The following GPC5 variants were observed in gnomAD, a reference collection of about 807,000 sequenced individuals.
GPC5 encodes glypican 5.
Under a neutral mutation model 53.9 loss-of-function variants are expected in GPC5, and 47 were observed. The observed-to-expected ratio is 0.87, with a 90% CI of 0.69 to 1.11. GPC5 has a LOEUF of 1.11. GPC5 is among the 50% of genes most tolerant of loss of function. The pLI, the probability that GPC5 is intolerant of heterozygous loss-of-function variation, is 0.00. For missense variants in GPC5, 748 were observed against 713.1 expected, an observed-to-expected ratio of 1.05 and a Z score of -0.56; for synonymous variants, 286 against 263.3, an observed-to-expected ratio of 1.09 and a Z score of -0.84.
At chr13:91,627,450 C>A (rs1474477213) in intron 2 of GPC5, among the ~76,000 whole-genome samples, 2 of 152,082 alleles carry the variant, frequency 1.3e-5, no homozygotes, top group South Asian at 2.1e-4. Flanking sequence ...GTGTGAGGAG[C>A]TTTTTTCTTT....
intron 2 of GPC5, among the ~76,000 whole-genome samples, chr13:91,516,027 C>T (rs1885479406): frequency 6.6e-6 from 1 of 152,074 alleles, no homozygotes; most frequent in Non-Finnish European, 1.5e-5. Context: ...GACTGGCCCC[C>T]CATGATTCAA....
At chr13:91,545,292 A>C (rs1376728943) in intron 2 of GPC5, among the ~76,000 whole-genome samples, 1 of 152,190 alleles carries the variant, frequency 6.6e-6, no homozygotes, top group African/African-American at 2.4e-5. Flanking sequence ...TTATCATTTT[A>C]AAATTCGTTA....
intron 6 of GPC5, among the ~76,000 whole-genome samples, chr13:91,962,026 A>G (rs890995567): frequency 1.3e-5 from 2 of 152,192 alleles, no homozygotes; most frequent in Admixed American, 6.5e-5. Flanking sequence ...CTGATTCATA[A>G]AAGAGATTAC....
intron 6 of GPC5, among the ~76,000 whole-genome samples, chr13:92,130,553 G>A (rs2041735426): frequency 6.6e-6 from 1 of 151,932 alleles, no homozygotes; most frequent in Non-Finnish European, 1.5e-5. Context: ...TAATACAAAA[G>A]AAAGAACACT....
intron 2 of GPC5, among the ~76,000 whole-genome samples, chr13:91,623,467 A>G (rs2033917739): frequency 6.6e-6 from 1 of 152,068 alleles, no homozygotes; most frequent in African/African-American, 2.4e-5. Context: ...TCTAGGGGGC[A>G]TCACTCAGAA....
chr13:92,489,387 T>C (rs1287318017), intron 7 of GPC5, among the ~76,000 whole-genome samples: 1 of 152,184 alleles, frequency 6.6e-6, no homozygotes, highest in Non-Finnish European at 1.5e-5. Context: ...AACAGAATAC[T>C]GGCAGAAAAC....
chr13:92,799,501 T>A (rs187326534), intron 7 of GPC5, among the ~76,000 whole-genome samples: 1 of 151,844 alleles, frequency 6.6e-6, no homozygotes, highest in East Asian at 1.9e-4. Context: ...AAAATTTACA[T>A]GGGAACAAGA....
At chr13:92,731,103 C>G (rs1888789518) in intron 7 of GPC5, among the ~76,000 whole-genome samples, 2 of 151,246 alleles carry the variant, frequency 1.3e-5, no homozygotes, top group Non-Finnish European at 3.0e-5. Flanking sequence ...TAATCCACTC[C>G]CACCACTAGT....
chr13:92,297,759 C>T (rs973753016), intron 7 of GPC5, among the ~76,000 whole-genome samples: 2 of 152,036 alleles, frequency 1.3e-5, no homozygotes, highest in Non-Finnish European at 2.9e-5. Flanking sequence ...TAAAAGCAGG[C>T]TGCCCGAGCC....
At chr13:92,246,189 C>T (rs888903065) in intron 7 of GPC5, among the ~76,000 whole-genome samples, 2 of 152,050 alleles carry the variant, frequency 1.3e-5, no homozygotes, top group African/African-American at 2.4e-5. Context: ...ATAGGAAAGT[C>T]AAATTTAAAC....
chr13:92,075,770 T>A (rs2138872055), intron 6 of GPC5, among the ~76,000 whole-genome samples: 1 of 152,284 alleles, frequency 6.6e-6, no homozygotes, highest in African/African-American at 2.4e-5. Context: ...CTAAGTGATT[T>A]GTTGCATTTT....
intron 7 of GPC5, among the ~76,000 whole-genome samples, chr13:92,370,360 A>G (rs1272287753): frequency 2.0e-5 from 3 of 152,206 alleles, no homozygotes; most frequent in Non-Finnish European, 4.4e-5. Flanking sequence ...GAACTGTAAA[A>G]TCCACAGAGA....
chr13:92,369,488 T>C (rs113520237), intron 7 of GPC5, among the ~76,000 whole-genome samples: 2,816 of 152,326 alleles, frequency 0.018, 100 homozygotes, highest in African/African-American at 0.064. Flanking sequence ...AGAGCTGTTT[T>C]TAATGTTTTA....
Position 91,781,551 on chromosome 13 carries a change from C to T in GPC5, c.1280+25131C>T, listed in dbSNP as rs766342920. ...AAACAAAACTTAAGCATTTTTACCACGGAACAAGTAATAGTTACCATTTGC... is the reference window on the plus strand; with the variant it reads ...AAACAAAACTTAAGCATTTTTACCATGGAACAAGTAATAGTTACCATTTGC... On this transcript the variant is annotated intron_variant, in intron 5 of 7. Transcript: ENST00000377067. Among the ~76,000 whole-genome samples, 10 of 152,176 alleles carry T rather than the reference C, an allele frequency of 6.6e-5. 1 individual carries two copies. In the East Asian group the frequency reaches 1.5e-3, roughly 23 times the overall value.
chr13:92,242,540 T>C (rs991890919), intron 7 of GPC5, among the ~76,000 whole-genome samples: 3 of 152,014 alleles, frequency 2.0e-5, no homozygotes, highest in Non-Finnish European at 4.4e-5. Flanking sequence ...CAAGGTTCAT[T>C]TTTTATATAC....
intron 7 of GPC5, among the ~76,000 whole-genome samples, chr13:92,605,587 TTTTTTA>T (rs1884223551): frequency 6.7e-6 from 1 of 149,374 alleles, no homozygotes; most frequent in African/African-American, 2.6e-5. Context: ...TTTTTTTTTT[TTTTTTA>T]TTTTTTTGAG....
intron 7 of GPC5, among the ~76,000 whole-genome samples, chr13:92,425,007 G>A (rs1315082275): frequency 6.6e-6 from 1 of 151,936 alleles, no homozygotes; most frequent in African/African-American, 2.4e-5. Flanking sequence ...CTAAAATGAA[G>A]CCTTTTGTTA....
intron 2 of GPC5, among the ~76,000 whole-genome samples, chr13:91,587,908 A>G (rs2032658274): frequency 6.6e-6 from 1 of 152,164 alleles, no homozygotes. Flanking sequence ...CCTGCATTGT[A>G]TATTATGCTT....
chr13:91,965,914 T>C (rs2040176499), intron 6 of GPC5, among the ~76,000 whole-genome samples: 1 of 152,212 alleles, frequency 6.6e-6, no homozygotes, highest in African/African-American at 2.4e-5. Flanking sequence ...GAATATTTGA[T>C]TTAAACATCA....
Sources: allele counts gnomAD v4.1 joint callset (sites outside exome capture counted in the v4.1 genomes callset), GRCh38; gene constraint gnomAD v4.1.1; transcripts MANE v1.5; gene names NCBI Gene and HGNC (gene_info 2026-07-23, HGNC 2026-07-21).